The following GNG4 variants were observed in gnomAD, a reference collection of about 807,000 sequenced individuals.
The protein encoded by GNG4 is guanine nucleotide-binding protein G(I)/G(S)/G(O) subunit gamma-4.
GNG4 carries 4 observed loss-of-function variants against 5.8 expected under a neutral mutation model. That is an observed-to-expected ratio of 0.69 (90% CI 0.34 to 1.57). GNG4 has a LOEUF of 1.57. Among genes scored for constraint, GNG4 ranks in the 40% most tolerant of loss-of-function variants. The probability of loss-of-function intolerance (pLI) is 0.06; values close to 1 mark genes in which losing one functional copy is unlikely to be tolerated. For missense variants in GNG4, 96 were observed against 95.1 expected (o/e 1.01, Z -0.04); for synonymous variants, 29 against 32.9 (o/e 0.88, Z 0.41).
At chr1:235,586,091 G>A (rs2774338) in intron 2 of GNG4, among the ~76,000 whole-genome samples, 62,438 of 152,096 alleles carry the variant, frequency 0.41, 13,709 homozygotes, top group East Asian at 0.79. Context: ...TCCAAAGGCA[G>A]TTTTTGAAAA....
At chr1:235,589,626 G>A (rs139229774) in intron 2 of GNG4, among the ~76,000 whole-genome samples, 1 of 152,322 alleles carries the variant, frequency 6.6e-6, no homozygotes, top group African/African-American at 2.4e-5. Flanking sequence ...ACCTGACAAC[G>A]TGACCTTGTC....
chr1:235,626,412 G>C (rs532496434), intron 1 of GNG4, among the ~76,000 whole-genome samples: 8 of 150,246 alleles, frequency 5.3e-5, no homozygotes, highest in Non-Finnish European at 1.2e-4. Flanking sequence ...AAAGCTCATA[G>C]GGAGGGCCTG....
intron 1 of GNG4, among the ~76,000 whole-genome samples, chr1:235,616,905 A>ATTTTTTTTTT (rs553175038): frequency 2.6e-5 from 3 of 115,796 alleles, no homozygotes; most frequent in Non-Finnish European, 5.2e-5. Flanking sequence ...CACCTGGCTA[A>ATTTTTTTTTT]TTTTTTTTTT....
At chr1:235,636,523 C>T (rs12129460) in intron 1 of GNG4, among the ~76,000 whole-genome samples, 86,445 of 151,388 alleles carry the variant, frequency 0.57, 25,658 homozygotes, top group East Asian at 0.85. Context: ...GCCACGGCCA[C>T]GCAGAGGCAC....
intron 2 of GNG4, among the ~76,000 whole-genome samples, 178 bp downstream of exon 2, chr1:235,595,222 G>A (rs1320698044): frequency 2.6e-5 from 4 of 152,284 alleles, no homozygotes; most frequent in South Asian, 4.1e-4. Context: ...CGTGTCTGCC[G>A]TGGAGGGTGG....
At chr1:235,639,622 C>T (rs893094956) in intron 1 of GNG4, among the ~76,000 whole-genome samples, 4 of 152,288 alleles carry the variant, frequency 2.6e-5, no homozygotes, top group African/African-American at 4.8e-5. Context: ...TAGCTCACTG[C>T]AACCTCTGCC....
intron 1 of GNG4, among the ~76,000 whole-genome samples, chr1:235,646,096 G>A (rs1657503244): frequency 6.6e-6 from 1 of 152,180 alleles, no homozygotes; most frequent in South Asian, 2.1e-4. Context: ...GATACTTAGA[G>A]TGCTTCTTCT....
chr1:235,569,725 G>A (rs1339649505), intron 3 of GNG4, among the ~76,000 whole-genome samples: 2 of 151,636 alleles, frequency 1.3e-5, no homozygotes, highest in African/African-American at 4.8e-5. Flanking sequence ...CCACCACTAC[G>A]CCCAGCTCAT....
At position 235,569,359 on chromosome 1, in the gene GNG4, G is replaced by A. The variant is rs189011386; in HGVS notation, c.99+14381C>T. 2.6e-5 allele frequency among the ~76,000 whole-genome samples: 4 copies of A among 151,876 alleles called. No homozygotes were observed. In the East Asian group the frequency reaches 5.9e-4, roughly 22 times the overall value. On this transcript the variant is annotated intron_variant, in intron 3 of 3. Transcript: ENST00000391854. ...CCTAGTCTTAGCTATTTGGGAGGCT[G>A]AAGTGGGAGGATAGCTCGAGCCGGG...
rs1239627908 is a variant in GNG4 at position 235,575,035 on chromosome 1, G to A, written c.99+8705C>T. On this transcript the variant is annotated intron_variant, in intron 3 of 3. Transcript: ENST00000391854. Reference sequence around the variant, plus strand: ...AGATGGGATTTCACCACGTTGGCCAGGCTAGTCTCGAACTCCTGACCTCGA... The same window carrying A: ...AGATGGGATTTCACCACGTTGGCCAAGCTAGTCTCGAACTCCTGACCTCGA... Among the ~76,000 whole-genome samples the A allele has an allele frequency of 2.6e-5, 4 of 152,100 alleles. No individual in the cohort carries two copies. In the East Asian group the frequency reaches 7.7e-4, roughly 29 times the overall value.
rs980192250 is a variant in GNG4 at position 235,552,007 on chromosome 1, C to A, written c.*102G>T. On this transcript the variant is annotated 3_prime_UTR_variant, in exon 4 of 4. Coordinates refer to ENST00000391854, the MANE Select transcript of GNG4 (RefSeq NM_001098722.2). ...CAAGCCCCGGCCACTGTTGGCTGGG[C>A]AGGGATGGGTGTTGGTCTCACTCCC... 4 of 936,714 alleles carry A rather than the reference C, an allele frequency of 4.3e-6. No homozygotes were observed. Among genetic ancestry groups the A allele is most frequent in the Non-Finnish European group, 5.0e-6 (3 of 601,860 alleles). The allele number at this position is 936,714 out of a possible 1,614,324, so 58.0% of individuals were successfully genotyped here.
chr1:235,570,580 A>C (rs1298717370), intron 3 of GNG4, among the ~76,000 whole-genome samples: 2 of 151,708 alleles, frequency 1.3e-5, no homozygotes, highest in Non-Finnish European at 2.9e-5. Flanking sequence ...TATCTTTAGT[A>C]GAGACAGGGT....
chr1:235,552,562 G>T (rs563676171), intron 3 of GNG4, among the ~76,000 whole-genome samples: 23 of 152,138 alleles, frequency 1.5e-4, no homozygotes, highest in Non-Finnish European at 3.1e-4. Context: ...GTCTCACAAT[G>T]ACTTTGCTAA....
Position 235,642,394 on chromosome 1 carries a change from CG to C in GNG4, c.-123+7267del, listed in dbSNP as rs1657359231. On this transcript the variant is annotated intron_variant, in intron 1 of 3. Transcript: ENST00000391854. This position sits in a 1 kb window ranked among gnomAD's most constrained non-coding sequence, Gnocchi z 4.3. ...TCCCTCTCGAATAGAGACCCACGCA[CG>C]GAAGGATGATACACTGTGATTCCCC... 1.3e-5 allele frequency among the ~76,000 whole-genome samples: 2 copies of C among 152,294 alleles called. No individual in the cohort carries two copies. Among genetic ancestry groups the C allele is most frequent in the South Asian group, 4.1e-4 (2 of 4,826 alleles).
chr1:235,641,247 G>A (rs146153469), intron 1 of GNG4, among the ~76,000 whole-genome samples: 6 of 151,944 alleles, frequency 3.9e-5, no homozygotes, highest in Admixed American at 6.6e-5. Flanking sequence ...GAATTTAGCC[G>A]GGCATGGTGG....
At chr1:235,625,274 A>G (rs1688787455) in intron 1 of GNG4, among the ~76,000 whole-genome samples, 1 of 152,132 alleles carries the variant, frequency 6.6e-6, no homozygotes, top group Admixed American at 6.6e-5. Flanking sequence ...AAAAAAATAA[A>G]CTTTATTTTT....
intron 1 of GNG4, among the ~76,000 whole-genome samples, chr1:235,597,630 A>T (rs35553457): frequency 0.037 from 1,294 of 34,978 alleles, 13 homozygotes; most frequent in African/African-American, 0.071. Flanking sequence ...GTGTGTGTGT[A>T]TTTTTTTTTT....
At chr1:235,613,722 A>T (rs35463550) in intron 1 of GNG4, among the ~76,000 whole-genome samples, 4,695 of 152,210 alleles carry the variant, frequency 0.031, 118 homozygotes, top group Non-Finnish European at 0.05. Flanking sequence ...TGGACTTCTG[A>T]CCTCTAGAAC....
At chr1:235,564,713 T>C (rs139131160) in intron 3 of GNG4, among the ~76,000 whole-genome samples, 3 of 152,280 alleles carry the variant, frequency 2.0e-5, no homozygotes, top group Admixed American at 2.0e-4. Context: ...TTAGACAGAG[T>C]CTAGCTCTGT....
Sources: allele counts gnomAD v4.1 joint callset (sites outside exome capture counted in the v4.1 genomes callset), GRCh38; gene constraint gnomAD v4.1.1; non-coding constraint Gnocchi (gnomAD v3.1); transcripts MANE v1.5; gene names NCBI Gene and HGNC (gene_info 2026-07-23, HGNC 2026-07-21).